Variants in TENM4 observed in about 807,000 individuals in gnomAD.
TENM4 encodes the protein teneurin-4.
TENM4 carries 82 observed loss-of-function variants against 243.3 expected under a neutral mutation model. The ratio of observed to expected loss-of-function variants is 0.34; its 90% CI spans 0.28 to 0.40. The LOEUF (loss-of-function observed/expected upper bound fraction) is 0.40. Ranked by LOEUF, TENM4 falls within the 10% of genes least tolerant of loss-of-function variation. The pLI is 1.00. For missense variants in TENM4, 3,138 were observed against 3,673.3 expected, an observed-to-expected ratio of 0.85 and a Z score of 3.77; for synonymous variants, 1,412 against 1,456.3, an observed-to-expected ratio of 0.97 and a Z score of 0.69.
At chr11:79,422,881 G>T (rs919723939) in intron 1 of TENM4, among the ~76,000 whole-genome samples, 1 of 152,104 alleles carries the variant, frequency 6.6e-6, no homozygotes, top group Non-Finnish European at 1.5e-5. Flanking sequence ...GCATTTGCTT[G>T]TCACCTCTAC....
intron 26 of TENM4, among the ~76,000 whole-genome samples, chr11:78,710,647 T>A (rs374645511): frequency 6.6e-6 from 1 of 152,226 alleles, no homozygotes; most frequent in Non-Finnish European, 1.5e-5. Flanking sequence ...GTTTACAGAG[T>A]TGGCTGCACA....
intron 3 of TENM4, among the ~76,000 whole-genome samples, chr11:79,162,673 G>A (rs1356856010): frequency 6.6e-6 from 1 of 152,120 alleles, no homozygotes; most frequent in African/African-American, 2.4e-5. Flanking sequence ...GACAGCCTTC[G>A]AGTCCTCCTC....
chr11:79,020,844 C>T lies in TENM4; in HGVS notation c.493+43894G>A, dbSNP rs532975586. ...CGCTGAGCACCTACTCTATGTCAAG[C>T]CCAGACCTAGACCTAAGGCCCTAAA... is the stretch of plus-strand genomic sequence containing the variant. On this transcript the variant is annotated intron_variant, in intron 6 of 33. Transcript: ENST00000278550. Among the ~76,000 whole-genome samples, 79 of 152,240 alleles carry T rather than the reference C, an allele frequency of 5.2e-4. No homozygotes were observed. The South Asian group carries it at 0.015, about 29-fold the overall frequency.
intron 6 of TENM4, among the ~76,000 whole-genome samples, chr11:78,963,901 T>C (rs1461175983): frequency 1.3e-5 from 2 of 151,366 alleles, no homozygotes; most frequent in Non-Finnish European, 2.9e-5. Flanking sequence ...TATTTTTTTT[T>C]TCTTTTTTTG....
intron 28 of TENM4, among the ~76,000 whole-genome samples, chr11:78,699,218 C>T (rs1859046346): frequency 6.6e-6 from 1 of 152,180 alleles, no homozygotes; most frequent in African/African-American, 2.4e-5. Context: ...CATATTTTAT[C>T]TCACTGAAAT....
At chr11:79,308,324 A>C (rs1380939045) in intron 1 of TENM4, among the ~76,000 whole-genome samples, 3 of 152,278 alleles carry the variant, frequency 2.0e-5, no homozygotes, top group East Asian at 3.8e-4. Flanking sequence ...CAAAATGTTA[A>C]AATGAAAAAT....
chr11:79,414,983 C>T (rs754306530), intron 1 of TENM4, among the ~76,000 whole-genome samples: 1 of 152,188 alleles, frequency 6.6e-6, no homozygotes. Context: ...GGAGAGGCCT[C>T]GTGGTGCAGG....
intron 4 of TENM4, among the ~76,000 whole-genome samples, chr11:79,122,568 G>T (rs1861765256): frequency 1.3e-5 from 2 of 152,070 alleles, no homozygotes; most frequent in African/African-American, 2.4e-5. Context: ...TCTAGGCCTT[G>T]GTGACTGACT....
intron 12 of TENM4, among the ~76,000 whole-genome samples, chr11:78,845,784 A>G: frequency 6.6e-6 from 1 of 152,212 alleles, no homozygotes; most frequent in East Asian, 1.9e-4. Context: ...GAAAAAAAAA[A>G]GAGCTAAAAG....
intron 2 of TENM4, 89 bp from the exon 3 acceptor site, chr11:79,215,998 G>C (rs1359406481): frequency 6.7e-6 from 2 of 298,138 alleles, no homozygotes; most frequent in African/African-American, 2.3e-5. Context: ...AGCAGTCATT[G>C]CAAACACACA....
At chr11:78,757,511 G>C (rs1486902213) in intron 18 of TENM4, among the ~76,000 whole-genome samples, 1 of 152,238 alleles carries the variant, frequency 6.6e-6, no homozygotes, top group African/African-American at 2.4e-5. Flanking sequence ...TTCATCTGGT[G>C]TGCACTCCTG....
intron 1 of TENM4, among the ~76,000 whole-genome samples, chr11:79,316,717 G>A (rs761197715): frequency 6.6e-6 from 1 of 152,188 alleles, no homozygotes; most frequent in Non-Finnish European, 1.5e-5. Context: ...AGAAGTGCAG[G>A]CGGGCAGGCA....
In TENM4 at chr11:78,708,371, T is replaced by A. The variant is rs748505989; in HGVS notation, c.4199A>T (p.Asp1400Val). 4 of 1,614,018 alleles carry A rather than the reference T, an allele frequency of 2.5e-6. No individual in the cohort carries two copies. Among genetic ancestry groups the A allele is most frequent in the Non-Finnish European group, 3.4e-6 (4 of 1,179,886 alleles). Residue 1400 changes from aspartate to valine, a missense_variant, in exon 27 of 34, where the codon GAT becomes GTT. Coordinates refer to ENST00000278550, the MANE Select transcript of TENM4 (RefSeq NM_001098816.3). ...ARPLSCDSVM[D>V]ISQVHLEWPT... ...ATGAAGCCATCTTACCTGGGAAATA[T>A]CCATGACAGAATCACAGCTGAGTGG...
chr11:79,198,459 C>G (rs12787362), intron 3 of TENM4, among the ~76,000 whole-genome samples: 4 of 152,224 alleles, frequency 2.6e-5, no homozygotes, highest in Non-Finnish European at 2.9e-5. Context: ...TTGGGGAGCT[C>G]TGCCTGATTC....
At chr11:78,850,190 G>A (rs1858502967) in intron 12 of TENM4, among the ~76,000 whole-genome samples, 1 of 152,118 alleles carries the variant, frequency 6.6e-6, no homozygotes, top group Non-Finnish European at 1.5e-5. Context: ...AAAGGCAAAA[G>A]TTAAACTCAT....
chr11:79,178,844 CA>C (rs758973378), intron 3 of TENM4, among the ~76,000 whole-genome samples: 8 of 152,196 alleles, frequency 5.3e-5, no homozygotes, highest in Admixed American at 1.3e-4. Context: ...ATGAAGCCAC[CA>C]AACTTTTATT....
At chr11:78,898,850 T>C (rs1295837791) in intron 7 of TENM4, among the ~76,000 whole-genome samples, 5 of 152,192 alleles carry the variant, frequency 3.3e-5, no homozygotes, top group Admixed American at 2.6e-4. Context: ...TGAAATGTCT[T>C]ACCTGGTAGA....
intron 6 of TENM4, among the ~76,000 whole-genome samples, chr11:78,974,319 A>G (rs887000496): frequency 1.3e-5 from 2 of 152,196 alleles, no homozygotes; most frequent in African/African-American, 4.8e-5. Flanking sequence ...TTTCACAGCC[A>G]TGATCTCATG....
chr11:78,991,113 C>T (rs1858032627), intron 6 of TENM4, among the ~76,000 whole-genome samples: 1 of 152,100 alleles, frequency 6.6e-6, no homozygotes, highest in South Asian at 2.1e-4. Context: ...CTGTGTGCAG[C>T]TTGTTTTTGG....
Sources: gnomAD v4.1 joint callset for allele counts (sites outside exome capture counted in the v4.1 genomes callset) on GRCh38, gnomAD v4.1.1 for gene constraint, MANE v1.5 for transcripts, NCBI Gene and HGNC (gene_info 2026-07-23, HGNC 2026-07-21) for gene names.